STK3: variants seen among roughly 807,000 people sequenced by gnomAD.
The protein encoded by STK3 is serine/threonine-protein kinase 3.
STK3 carries 41 observed loss-of-function variants against 58.0 expected under a neutral mutation model. The observed-to-expected ratio is 0.71, with a 90% CI of 0.55 to 0.92. The LOEUF is 0.92. STK3 is among the 40% of genes least tolerant of loss of function. The pLI is 0.00. For synonymous variants in STK3, 170 were observed against 191.0 expected (o/e 0.89, Z 0.91); for missense variants, 479 against 602.7 (o/e 0.79, Z 2.15).
chr8:98,735,324 C>T (rs962887598), intron 4 of STK3, among the ~76,000 whole-genome samples: 3 of 152,104 alleles, frequency 2.0e-5, no homozygotes, highest in Non-Finnish European at 4.4e-5. Context: ...CTCCCAAACA[C>T]TAAAAGCTGA....
chr8:98,688,146 A>T (rs1320608688), intron 6 of STK3, among the ~76,000 whole-genome samples: 3 of 152,106 alleles, frequency 2.0e-5, no homozygotes, highest in Admixed American at 1.3e-4. Context: ...TAGACTTTAA[A>T]CAAACGACTG....
intron 3 of STK3, among the ~76,000 whole-genome samples, chr8:98,858,290 GTATA>G (rs71572027): frequency 0.019 from 659 of 34,316 alleles, 11 homozygotes; most frequent in African/African-American, 0.035. Flanking sequence ...ACATACATAC[GTATA>G]TATATATATA....
At chr8:98,389,604 G>C (rs529626566), upstream of STK3, among the ~76,000 whole-genome samples, 1 of 152,112 alleles carries the variant, frequency 6.6e-6, no homozygotes, top group East Asian at 1.9e-4. Context: ...AGGACTGGCT[G>C]TCATCTCATT....
intron 1 of STK3, among the ~76,000 whole-genome samples, chr8:98,902,063 G>C (rs1414764748): frequency 6.6e-6 from 1 of 152,042 alleles, no homozygotes; most frequent in Non-Finnish European, 1.5e-5. Flanking sequence ...TATTCTCTTG[G>C]CTGCCATGAT....
chr8:98,795,898 A>C (rs922109363), intron 1 of STK3, among the ~76,000 whole-genome samples: 6 of 152,218 alleles, frequency 3.9e-5, no homozygotes, highest in African/African-American at 1.2e-4. Context: ...GGGATGAAGG[A>C]TCTCTACAAG....
chr8:98,815,113 A>G (rs1434001204), intron 1 of STK3, among the ~76,000 whole-genome samples: 2 of 152,258 alleles, frequency 1.3e-5, no homozygotes, highest in Admixed American at 1.3e-4. Flanking sequence ...TATTAGGATT[A>G]TAGTGGGTCA....
At chr8:98,735,018 C>T (rs1038615263) in intron 4 of STK3, among the ~76,000 whole-genome samples, 1 of 152,074 alleles carries the variant, frequency 6.6e-6, no homozygotes, top group Non-Finnish European at 1.5e-5. Flanking sequence ...TTCACACATG[C>T]CAAGGTTACT....
rs1354760729 is a variant in STK3 at position 98,585,070 on chromosome 8, C to T, written c.823-5281G>A. On this transcript the variant is annotated intron_variant, in intron 7 of 10. Coordinates refer to ENST00000419617, the MANE Select transcript of STK3 (RefSeq NM_006281.4). ...TGCCTGTTCACTCTGATGGTAGTTT[C>T]TTTTGCTGTGCAGAAGCTCTTTAGT... Among the ~76,000 whole-genome samples, 6 of 150,236 alleles carry T rather than the reference C, an allele frequency of 4.0e-5. No homozygotes were observed. The East Asian group carries it at 9.8e-4, about 25-fold the overall frequency.
At chr8:98,607,614 T>A (rs1487567165) in intron 6 of STK3, among the ~76,000 whole-genome samples, 1 of 152,234 alleles carries the variant, frequency 6.6e-6, no homozygotes, top group Non-Finnish European at 1.5e-5. Flanking sequence ...TGCTACATAA[T>A]GAAGTACAAT....
intron 6 of STK3, among the ~76,000 whole-genome samples, chr8:98,666,186 A>C (rs1822348118): frequency 6.6e-6 from 1 of 151,882 alleles, no homozygotes. Context: ...GTTTTTGTAA[A>C]TGTAAAAAAA....
At chr8:98,825,445 GGCCTAGCCACCCCCGCCCCGCGGCC>G in intron 1 of STK3, 45 bp downstream of exon 1, 1 of 1,392,782 alleles carries the variant, frequency 7.2e-7, no homozygotes, top group South Asian at 1.4e-5. Flanking sequence ...AGCAGGGCCT[GGCCTAGCCACCCCCGCCCCGCGGCC>G]GCCGGCGCCG....
intron 7 of STK3, among the ~76,000 whole-genome samples, chr8:98,585,307 T>C (rs889974395): frequency 6.6e-6 from 1 of 152,248 alleles, no homozygotes; most frequent in African/African-American, 2.4e-5. Context: ...TTCAGCCTTC[T>C]ACATATGACT....
chr8:98,900,150 C>T (rs1000753451), intron 1 of STK3, among the ~76,000 whole-genome samples: 1 of 152,134 alleles, frequency 6.6e-6, no homozygotes, highest in Non-Finnish European at 1.5e-5. Flanking sequence ...GATCTTGGCT[C>T]ACTGCACCCT....
chr8:98,937,800 AC>A (rs1840249256), intron 1 of STK3, among the ~76,000 whole-genome samples: 1 of 152,234 alleles, frequency 6.6e-6, no homozygotes, highest in African/African-American at 2.4e-5. Flanking sequence ...ACAAGGATAT[AC>A]TACATTTTCC....
intron 1 of STK3, among the ~76,000 whole-genome samples, chr8:98,909,122 C>CT (rs1185158091): frequency 6.6e-6 from 1 of 152,146 alleles, no homozygotes; most frequent in African/African-American, 2.4e-5. Context: ...GATCACGCCA[C>CT]TGCACTCTAG....
the STK3 span, among the ~76,000 whole-genome samples, chr8:98,352,729 TC>T: frequency 4.8e-4 from 73 of 152,224 alleles, no homozygotes; most frequent in African/African-American, 1.8e-3. Flanking sequence ...CAGACCTATA[TC>T]CTGGTCCCTC....
At chr8:98,846,948 A>C (rs532723394) in intron 3 of STK3, among the ~76,000 whole-genome samples, 1 of 152,250 alleles carries the variant, frequency 6.6e-6, no homozygotes, top group African/African-American at 2.4e-5. Flanking sequence ...CCACAAATGA[A>C]AACACACTCT....
chr8:98,533,398 G>A (rs1809478474), intron 9 of STK3, among the ~76,000 whole-genome samples: 1 of 152,100 alleles, frequency 6.6e-6, no homozygotes, highest in South Asian at 2.1e-4. Context: ...GTAAACATGT[G>A]AATAATATAA....
chr8:98,674,185 A>C (rs903937116), intron 6 of STK3, among the ~76,000 whole-genome samples: 1 of 152,196 alleles, frequency 6.6e-6, no homozygotes, highest in Admixed American at 6.5e-5. Context: ...GTGTTAAACT[A>C]TCTGGGAAAT....
Sources: allele counts gnomAD v4.1 joint callset (sites outside exome capture counted in the v4.1 genomes callset), GRCh38; gene constraint gnomAD v4.1.1; transcripts MANE v1.5; gene names NCBI Gene and HGNC (gene_info 2026-07-23, HGNC 2026-07-21).